TMEM132D: variants seen among roughly 807,000 people sequenced by gnomAD.
TMEM132D encodes the protein transmembrane protein 132D.
Under a neutral mutation model 62.3 loss-of-function variants are expected in TMEM132D, and 21 were observed. The ratio of observed to expected loss-of-function variants is 0.34; its 90% CI spans 0.24 to 0.49. TMEM132D has a LOEUF of 0.49. TMEM132D is among the 20% of genes least tolerant of loss of function. The pLI is 0.99. For synonymous variants in TMEM132D, 621 were observed against 575.6 expected (o/e 1.08, Z -1.13); for missense variants, 1,346 against 1,402.8 (o/e 0.96, Z 0.65).
chr12:129,243,650 T>C (rs1002483767), intron 4 of TMEM132D, among the ~76,000 whole-genome samples: 2 of 152,212 alleles, frequency 1.3e-5, no homozygotes. Context: ...ATCTCCACAA[T>C]GATTTTGCTG....
chr12:129,320,390 T>G (rs1868651883), intron 4 of TMEM132D, among the ~76,000 whole-genome samples: 1 of 152,204 alleles, frequency 6.6e-6, no homozygotes, highest in Non-Finnish European at 1.5e-5. Flanking sequence ...AAGAGTTATT[T>G]AAACCCAAGA....
intron 3 of TMEM132D, among the ~76,000 whole-genome samples, chr12:129,506,824 A>G (rs1038397512): frequency 4.6e-5 from 7 of 152,238 alleles, no homozygotes; most frequent in Non-Finnish European, 5.9e-5. Context: ...CTAAGAACCC[A>G]AAAGCAAATG....
intron 2 of TMEM132D, among the ~76,000 whole-genome samples, chr12:129,590,584 A>G (rs1252967813): frequency 6.6e-6 from 1 of 152,190 alleles, no homozygotes; most frequent in East Asian, 1.9e-4. Context: ...TGTGTAAATG[A>G]AGGGTGAGAA....
At position 129,743,225 on chromosome 12, in the gene TMEM132D, A is replaced by C. The variant is rs143644105; in HGVS notation, c.80-42527T>G. Among the ~76,000 whole-genome samples the C allele has an allele frequency of 3.2e-4, 48 of 152,324 alleles. 1 individual carries two copies. Among genetic ancestry groups the C allele is most frequent in the African/African-American group, 1.0e-3 (42 of 41,574 alleles). ...CCTAATGATTGTGGCAAATGGAATA[A>C]TACTTCCCTGATATATTTGGCCGTG... On this transcript the variant is annotated intron_variant, in intron 1 of 8. Coordinates refer to ENST00000422113, the MANE Select transcript of TMEM132D (RefSeq NM_133448.3).
At chr12:129,596,577 A>ACACC (rs1461211466) in intron 2 of TMEM132D, among the ~76,000 whole-genome samples, 12 of 152,272 alleles carry the variant, frequency 7.9e-5, no homozygotes, top group Non-Finnish European at 1.6e-4. Context: ...ATATAATGGC[A>ACACC]CACCCTTCTG....
intron 2 of TMEM132D, among the ~76,000 whole-genome samples, chr12:129,678,942 T>G (rs1880709525): frequency 6.6e-6 from 1 of 152,064 alleles, no homozygotes; most frequent in African/African-American, 2.4e-5. Context: ...CATAGGTCTG[T>G]TTTTGGGCTT....
chr12:129,401,925 C>G (rs1871636257), intron 3 of TMEM132D, among the ~76,000 whole-genome samples: 1 of 152,184 alleles, frequency 6.6e-6, no homozygotes, highest in South Asian at 2.1e-4. Context: ...TGCTTCCTCT[C>G]CTCTCCACAG....
At chr12:129,077,495 C>G (rs1339625784) in intron 8 of TMEM132D, among the ~76,000 whole-genome samples, 1 of 151,846 alleles carries the variant, frequency 6.6e-6, no homozygotes, top group East Asian at 1.9e-4. Flanking sequence ...TTCAAAGGTC[C>G]CCTATAACAG....
chr12:129,188,849 G>A (rs1343655353), intron 5 of TMEM132D, among the ~76,000 whole-genome samples: 1 of 152,026 alleles, frequency 6.6e-6, no homozygotes, highest in Middle Eastern at 3.4e-3. Context: ...TGAAAGTGTT[G>A]TTAGGTACTA....
intron 2 of TMEM132D, among the ~76,000 whole-genome samples, chr12:129,655,248 T>TTC (rs977056487): frequency 4.2e-5 from 6 of 142,728 alleles, no homozygotes; most frequent in Non-Finnish European, 1.5e-5. Flanking sequence ...TGTCTAGCCT[T>TTC]TTTTTTTTTT....
intron 4 of TMEM132D, among the ~76,000 whole-genome samples, chr12:129,252,647 T>C (rs1220115625): frequency 9.2e-5 from 14 of 152,100 alleles, no homozygotes; most frequent in Non-Finnish European, 2.9e-5. Flanking sequence ...TCCTCAGGGA[T>C]CTAGAACAAG....
intron 4 of TMEM132D, among the ~76,000 whole-genome samples, chr12:129,269,923 T>A (rs1880807629): frequency 6.6e-6 from 1 of 152,034 alleles, no homozygotes; most frequent in South Asian, 2.1e-4. Flanking sequence ...AACCAAGGCG[T>A]CTGAAAGGAA....
At chr12:129,256,386 A>T (rs1880400278) in intron 4 of TMEM132D, among the ~76,000 whole-genome samples, 1 of 152,142 alleles carries the variant, frequency 6.6e-6, no homozygotes, top group Admixed American at 6.5e-5. Flanking sequence ...CGTGTGACAT[A>T]GCTGTAGCTA....
At chr12:129,548,838 C>G (rs2137103957) in intron 2 of TMEM132D, among the ~76,000 whole-genome samples, 1 of 152,356 alleles carries the variant, frequency 6.6e-6, no homozygotes, top group South Asian at 2.1e-4. Context: ...AGTATTTCAA[C>G]AAACGACCTC....
chr12:129,345,757 T>G (rs1448141055), intron 3 of TMEM132D, among the ~76,000 whole-genome samples: 1 of 152,226 alleles, frequency 6.6e-6, no homozygotes, highest in Non-Finnish European at 1.5e-5. Flanking sequence ...TTGAGTATGT[T>G]GAATCAGCCT....
At chr12:129,522,911 T>C (rs1875894683) in intron 3 of TMEM132D, 1 of 151,392 alleles carries the variant, frequency 6.6e-6, no homozygotes, top group Admixed American at 6.6e-5. Flanking sequence ...AGATTAGATA[T>C]ATATGTAGAC....
chr12:129,480,997 A>G (rs963383274), intron 3 of TMEM132D, among the ~76,000 whole-genome samples: 2 of 152,088 alleles, frequency 1.3e-5, no homozygotes, highest in African/African-American at 4.8e-5. Context: ...ATGGGATACT[A>G]CGCAGCAGCT....
chr12:129,155,286 T>C (rs1473374503), intron 5 of TMEM132D, among the ~76,000 whole-genome samples: 1 of 152,260 alleles, frequency 6.6e-6, no homozygotes, highest in East Asian at 1.9e-4. Flanking sequence ...GTACCCATTT[T>C]ATGCTACAGG....
intron 2 of TMEM132D, among the ~76,000 whole-genome samples, chr12:129,549,803 C>T (rs572485403): frequency 1.3e-5 from 2 of 152,300 alleles, no homozygotes; most frequent in South Asian, 4.1e-4. Context: ...TCATCTTTTC[C>T]TTTACCCCTT....
Sources: allele counts gnomAD v4.1 joint callset (sites outside exome capture counted in the v4.1 genomes callset), GRCh38; gene constraint gnomAD v4.1.1; transcripts MANE v1.5; gene names NCBI Gene and HGNC (gene_info 2026-07-23, HGNC 2026-07-21).